WDFY4: variants seen among roughly 807,000 people sequenced by gnomAD.
WDFY4 encodes WDFY family member 4.
Under a neutral mutation model 351.9 loss-of-function variants are expected in WDFY4, and 169 were observed. The observed-to-expected ratio is 0.48, with a 90% CI of 0.42 to 0.55. The LOEUF (loss-of-function observed/expected upper bound fraction) is 0.55. Among genes scored for constraint, WDFY4 ranks in the 20% least tolerant of loss-of-function variants. The pLI is 0.00. For synonymous variants in WDFY4, 1,622 were observed against 1,574.6 expected (o/e 1.03, Z -0.71); for missense variants, 3,803 against 3,935.6 (o/e 0.97, Z 0.90).
At chr10:48,813,460 A>G (rs1354185078) in intron 30 of WDFY4, among the ~76,000 whole-genome samples, 1 of 152,130 alleles carries the variant, frequency 6.6e-6, no homozygotes, top group East Asian at 1.9e-4. Context: ...AAACAATCCC[A>G]TGGGGTAGAT....
intron 39 of WDFY4, among the ~76,000 whole-genome samples, chr10:48,839,714 A>G (rs1489210679): frequency 2.0e-5 from 3 of 152,218 alleles, no homozygotes; most frequent in Non-Finnish European, 4.4e-5. Context: ...ACAATGCTGT[A>G]TTGTTGGAAA....
At chr10:48,805,194 C>T in intron 25 of WDFY4, 66 bp from the exon 26 acceptor site, 1 of 1,497,682 alleles carries the variant, frequency 6.7e-7, no homozygotes, top group Non-Finnish European at 8.9e-7. Context: ...ACCTTTTTAG[C>T]AGAAACACAG....
At chr10:48,913,613 C>G (rs1387277129) in intron 47 of WDFY4, 1 of 1,613,968 alleles carries the variant, frequency 6.2e-7, no homozygotes, top group Non-Finnish European at 8.5e-7. Flanking sequence ...ACTCACCTGG[C>G]TTTGGAAAGG....
intron 42 of WDFY4, among the ~76,000 whole-genome samples, chr10:48,875,526 T>A (rs546518226): frequency 6.6e-6 from 1 of 152,306 alleles, no homozygotes; most frequent in East Asian, 1.9e-4. Flanking sequence ...ACAATCCTCC[T>A]GCCTCAGCCT....
intron 47 of WDFY4, chr10:48,935,052 A>G (rs963748676): frequency 2.6e-5 from 4 of 152,238 alleles, no homozygotes; most frequent in African/African-American, 9.6e-5. Context: ...TACTGGGAAA[A>G]CAGGCATTTC....
intron 39 of WDFY4, among the ~76,000 whole-genome samples, chr10:48,846,373 C>G (rs1359077285): frequency 6.6e-6 from 1 of 152,224 alleles, no homozygotes; most frequent in African/African-American, 2.4e-5. Context: ...TCCAGCCTGG[C>G]TGTGAGCCGG....
intron 54 of WDFY4, 45 bp downstream of exon 54, chr10:48,964,099 G>T (rs207470867): frequency 1.3e-6 from 2 of 1,538,910 alleles, no homozygotes; most frequent in South Asian, 1.2e-5. Flanking sequence ...AAAAGAGTGT[G>T]TGCAGTGTGA....
At chr10:48,709,689 G>A in intron 1 of WDFY4, 27 bp from the exon 2 acceptor site, 1 of 1,532,812 alleles carries the variant, frequency 6.5e-7, no homozygotes, top group Non-Finnish European at 8.8e-7. Context: ...TGACAGGAAT[G>A]TTCACTTCTA....
intron 26 of WDFY4, 72 bp downstream of exon 26, chr10:48,805,493 C>G: frequency 6.7e-7 from 1 of 1,493,192 alleles, no homozygotes. Context: ...CAGACCCCAG[C>G]TCTCTCCCCA....
At chr10:48,698,730 G>C (rs2063398204) in intron 1 of WDFY4, among the ~76,000 whole-genome samples, 1 of 152,212 alleles carries the variant, frequency 6.6e-6, no homozygotes, top group Non-Finnish European at 1.5e-5. Flanking sequence ...AACGCTGATG[G>C]GAAATGTGGA....
intron 33 of WDFY4, 74 bp from the exon 34 acceptor site, chr10:48,820,988 C>A: frequency 9.6e-7 from 1 of 1,040,590 alleles, no homozygotes. Flanking sequence ...CCCAGCCAGG[C>A]TAGGGAGGCG....
At chr10:48,884,451 A>G (rs1170577256) in intron 43 of WDFY4, 1 of 152,058 alleles carries the variant, frequency 6.6e-6, no homozygotes, top group East Asian at 1.9e-4. Flanking sequence ...CCCTGGACTA[A>G]CTTCCCTTAT....
chr10:48,945,483 A>T (rs527562699), intron 49 of WDFY4, among the ~76,000 whole-genome samples: 16 of 152,264 alleles, frequency 1.1e-4, no homozygotes, highest in Non-Finnish European at 1.9e-4. Flanking sequence ...GAAAAGAAAA[A>T]GTTTCCCAGA....
intron 1 of WDFY4, among the ~76,000 whole-genome samples, chr10:48,687,528 G>C (rs773337116): frequency 2.0e-5 from 3 of 151,948 alleles, no homozygotes; most frequent in Non-Finnish European, 2.9e-5. Context: ...TGTATGGCGT[G>C]AGGTGGGAAG....
intron 39 of WDFY4, among the ~76,000 whole-genome samples, chr10:48,841,281 T>C (rs17011299): frequency 0.054 from 8,229 of 152,306 alleles, 770 homozygotes; most frequent in African/African-American, 0.19. Flanking sequence ...GATATATTTG[T>C]TACTGCACTT....
rs548293775 is a variant in WDFY4 at position 48,811,435 on chromosome 10, T to A, written c.5045-104T>A. 10 of 971,270 alleles carry A rather than the reference T, an allele frequency of 1.0e-5. No homozygotes were observed. In the African/African-American group the frequency reaches 1.6e-4, roughly 16 times the overall value. 60.2% of individuals were successfully genotyped at this position (971,270 alleles called of 1,614,324 possible). On this transcript the variant is annotated intron_variant, in intron 29 of 61. Coordinates refer to ENST00000325239, the MANE Select transcript of WDFY4 (RefSeq NM_001394531.1). ...AATATATTTTATCATCCAGCATTTC[T>A]ATGGGATGGGTGGGTGGCCGGGTGT...
At chr10:48,966,930 C>T in intron 55 of WDFY4, 1 of 497,490 alleles carries the variant, frequency 2.0e-6, no homozygotes, top group East Asian at 3.4e-5. Context: ...CACACATACA[C>T]ACACAGACAC....
chr10:48,968,111 A>G (rs967179870), intron 55 of WDFY4: 1 of 152,308 alleles, frequency 6.6e-6, no homozygotes, highest in Non-Finnish European at 1.5e-5. Flanking sequence ...CTTACCAGCC[A>G]CGGGTCCTGG....
intron 47 of WDFY4, among the ~76,000 whole-genome samples, chr10:48,910,416 A>C (rs1352541946): frequency 1.3e-5 from 2 of 152,214 alleles, no homozygotes; most frequent in Non-Finnish European, 2.9e-5. Context: ...AGGAAAGAGA[A>C]CACCCAAGGC....
Sources: gnomAD v4.1 joint callset for allele counts (sites outside exome capture counted in the v4.1 genomes callset) on GRCh38, gnomAD v4.1.1 for gene constraint, MANE v1.5 for transcripts, NCBI Gene and HGNC (gene_info 2026-07-23, HGNC 2026-07-21) for gene names.